The following FAT3 variants were observed in gnomAD, a reference collection of about 807,000 sequenced individuals.
The protein encoded by FAT3 is protocadherin Fat 3.
A neutral mutation model predicts 310.2 loss-of-function variants in FAT3; 95 were observed. The observed-to-expected ratio is 0.31, with a 90% confidence interval of 0.26 to 0.36. The LOEUF is 0.36. Among genes scored for constraint, FAT3 ranks in the 10% least tolerant of loss-of-function variants. FAT3 has a pLI of 1.00. For synonymous variants in FAT3, 2,314 were observed against 2,192.9 expected, an observed-to-expected ratio of 1.06 and a Z score of -1.54; for missense variants, 5,408 against 5,715.6, an observed-to-expected ratio of 0.95 and a Z score of 1.74.
chr11:92,858,530 C>T (rs1021857647), intron 20 of FAT3, among the ~76,000 whole-genome samples: 1 of 152,068 alleles, frequency 6.6e-6, no homozygotes, highest in Non-Finnish European at 1.5e-5. Flanking sequence ...CTTGTTAAAA[C>T]ATAAAGTTGA....
At chr11:92,886,561 G>A (rs937564315) in intron 24 of FAT3, among the ~76,000 whole-genome samples, 2 of 152,178 alleles carry the variant, frequency 1.3e-5, no homozygotes, top group Non-Finnish European at 2.9e-5. Context: ...TAGGATAAAT[G>A]TAAAGGCATT....
intron 1 of FAT3, among the ~76,000 whole-genome samples, chr11:92,252,764 C>T (rs570521955): frequency 2.6e-5 from 4 of 152,116 alleles, no homozygotes. Context: ...CTCTAAAAGA[C>T]AGATTCACAA....
At chr11:92,619,283 T>A (rs1310352860) in intron 3 of FAT3, among the ~76,000 whole-genome samples, 1 of 152,192 alleles carries the variant, frequency 6.6e-6, no homozygotes, top group East Asian at 1.9e-4. Flanking sequence ...ATAAGAGATA[T>A]AACTTTTGCA....
intron 2 of FAT3, among the ~76,000 whole-genome samples, chr11:92,477,591 C>T (rs1952082108): frequency 6.6e-6 from 1 of 152,148 alleles, no homozygotes; most frequent in Admixed American, 6.6e-5. Flanking sequence ...ATTCTAGCAC[C>T]TAATGTTTGC....
intron 2 of FAT3, among the ~76,000 whole-genome samples, chr11:92,517,989 A>T (rs1953545697): frequency 6.6e-6 from 1 of 152,088 alleles, no homozygotes; most frequent in African/African-American, 2.4e-5. Flanking sequence ...TGGAGAGGAT[A>T]TGGAGAAATA....
chr11:92,607,307 A>G (rs1044123982), intron 3 of FAT3, among the ~76,000 whole-genome samples: 1 of 150,550 alleles, frequency 6.6e-6, no homozygotes, highest in Non-Finnish European at 1.5e-5. Flanking sequence ...GAAAGAGGAG[A>G]CTAAGGAAGG....
At chr11:92,467,984 A>G (rs1951812420) in intron 2 of FAT3, among the ~76,000 whole-genome samples, 1 of 152,228 alleles carries the variant, frequency 6.6e-6, no homozygotes, top group African/African-American at 2.4e-5. Context: ...GAAGTCACAT[A>G]TATAACATAT....
At chr11:92,624,882 CTCT>C (rs1160197678) in intron 3 of FAT3, among the ~76,000 whole-genome samples, 1 of 152,232 alleles carries the variant, frequency 6.6e-6, no homozygotes, top group Non-Finnish European at 1.5e-5. Flanking sequence ...TTCAAAGCTG[CTCT>C]TCTTGGCTTG....
intron 6 of FAT3, among the ~76,000 whole-genome samples, chr11:92,769,408 T>C (rs1278217744): frequency 6.6e-6 from 1 of 152,244 alleles, no homozygotes; most frequent in East Asian, 1.9e-4. Context: ...ATCTTCACAC[T>C]TCTCAGGGGA....
intron 12 of FAT3, among the ~76,000 whole-genome samples, chr11:92,808,729 T>C (rs894683246): frequency 2.6e-5 from 4 of 151,964 alleles, no homozygotes. Flanking sequence ...ATCAAGACCA[T>C]CCTGGTTAAC....
In FAT3 at chr11:92,798,431, C is replaced by T. The variant is rs1313553163; in HGVS notation, c.5418C>T (p.Asn1806=). The T allele has an allele frequency of 6.2e-7, 1 of 1,613,110 alleles. No individual in the cohort carries two copies. The highest frequency in any genetic ancestry group is 8.5e-7 in the Non-Finnish European group (1 of 1,179,782). Residue 1806 remains asparagine (N), a synonymous_variant, in exon 10 of 28, where the codon AAC becomes AAT. Coordinates refer to ENST00000525166, the MANE Select transcript of FAT3 (RefSeq NM_001367949.2). The part of the protein sequence containing the change: ...LVIRATDADS[N]RNALLVYQIV... Reference sequence around the variant, plus strand: ...TTCGAGCCACAGATGCTGACAGCAACCGGAATGCTCTGCTTGTGTATCAGA... The same window carrying T: ...TTCGAGCCACAGATGCTGACAGCAATCGGAATGCTCTGCTTGTGTATCAGA...
intron 1 of FAT3, among the ~76,000 whole-genome samples, chr11:92,287,281 G>A (rs1946583561): frequency 6.6e-6 from 1 of 152,006 alleles, no homozygotes; most frequent in Admixed American, 6.6e-5. Flanking sequence ...TTTTAATAGA[G>A]GAATAGGCTA....
intron 4 of FAT3, among the ~76,000 whole-genome samples, chr11:92,713,257 G>A (rs577905682): frequency 3.2e-4 from 48 of 152,324 alleles, no homozygotes; most frequent in African/African-American, 1.1e-3. Flanking sequence ...AAAGGGAAAA[G>A]CATTGTTCTC....
chr11:92,665,423 C>T (rs1280623943), intron 3 of FAT3, among the ~76,000 whole-genome samples: 3 of 152,168 alleles, frequency 2.0e-5, no homozygotes. Flanking sequence ...CAAGGTTTCT[C>T]TTTCTAATTA....
chr11:92,857,139 A>G (rs1949000136), intron 19 of FAT3, 75 bp from the exon 20 acceptor site: 2 of 1,607,606 alleles, frequency 1.2e-6, no homozygotes, highest in Non-Finnish European at 1.7e-6. Flanking sequence ...TTCCCTTTGA[A>G]CCTTTTCTAT....
chr11:92,814,169 G>A (rs534036255), intron 13 of FAT3, among the ~76,000 whole-genome samples: 110 of 152,250 alleles, frequency 7.2e-4, no homozygotes, highest in African/African-American at 2.5e-3. Context: ...TATAAATTAC[G>A]AAGTCTCAGG....
intron 3 of FAT3, among the ~76,000 whole-genome samples, chr11:92,598,215 C>T (rs1591502590): frequency 7.3e-6 from 1 of 136,440 alleles, no homozygotes; most frequent in South Asian, 2.2e-4. Flanking sequence ...TATATGTATA[C>T]ATATATATAT....
At chr11:92,576,537 A>T (rs1343106185) in intron 3 of FAT3, among the ~76,000 whole-genome samples, 1 of 152,142 alleles carries the variant, frequency 6.6e-6, no homozygotes, top group Non-Finnish European at 1.5e-5. Context: ...CCATTTGGAT[A>T]ATCGATTCAA....
intron 2 of FAT3, among the ~76,000 whole-genome samples, chr11:92,420,594 G>C (rs144252316): frequency 6.0e-4 from 92 of 152,110 alleles, no homozygotes; most frequent in African/African-American, 2.0e-3. Context: ...TTGATGGGGG[G>C]GTTAAGAGTA....
Sources: gnomAD v4.1 joint callset for allele counts (sites outside exome capture counted in the v4.1 genomes callset) on GRCh38, gnomAD v4.1.1 for gene constraint, MANE v1.5 for transcripts, NCBI Gene and HGNC (gene_info 2026-07-23, HGNC 2026-07-21) for gene names.